Variants in CCDC150 observed in about 807,000 individuals in gnomAD.
CCDC150 encodes the protein coiled-coil domain containing 150.
Under a neutral mutation model 156.5 loss-of-function variants are expected in CCDC150, and 151 were observed. The ratio of observed to expected loss-of-function variants is 0.97; its 90% confidence interval spans 0.85 to 1.10. The LOEUF (loss-of-function observed/expected upper bound fraction) is 1.10, where lower values mean the gene tolerates loss of function less well. CCDC150 is among the 50% of genes least tolerant of loss of function. CCDC150 has a pLI of 0.00. For missense variants in CCDC150, 1,312 were observed against 1,268.1 expected (o/e 1.03, Z -0.53); for synonymous variants, 452 against 429.4 (o/e 1.05, Z -0.65).
rs777052624 is a variant in CCDC150 at position 196,701,091 on chromosome 2, C to G, written c.1624-18C>G. ...TTTCTATGCCTAGAGGTTCTGATGCCTTTGTTTGCCTTATCAGCTTGCCCA... is the reference window on the plus strand; with the variant it reads ...TTTCTATGCCTAGAGGTTCTGATGCGTTTGTTTGCCTTATCAGCTTGCCCA... On this transcript the variant is annotated intron_variant, in intron 14 of 27. Transcript: ENST00000389175. 3 of 1,584,496 alleles carry G rather than the reference C, an allele frequency of 1.9e-6. No individual in the cohort carries two copies. The highest frequency in any genetic ancestry group is 2.6e-6 in the Non-Finnish European group (3 of 1,161,310).
intron 15 of CCDC150, among the ~76,000 whole-genome samples, chr2:196,706,994 A>G (rs868421209): frequency 2.0e-5 from 3 of 152,176 alleles, no homozygotes; most frequent in South Asian, 2.1e-4. Flanking sequence ...TGTCTCTGCC[A>G]GGCTTTGGTA....
At chr2:196,715,044 T>C (rs745596383) in intron 17 of CCDC150, among the ~76,000 whole-genome samples, 1 of 152,156 alleles carries the variant, frequency 6.6e-6, no homozygotes, top group African/African-American at 2.4e-5. Context: ...TTTGTTACCG[T>C]TGGGATTATG....
chr2:196,687,970 G>A (rs1277194584), intron 13 of CCDC150, among the ~76,000 whole-genome samples: 1 of 152,106 alleles, frequency 6.6e-6, no homozygotes, highest in African/African-American at 2.4e-5. Context: ...GTCTGTTCTT[G>A]TACCAGTACC....
At chr2:196,706,885 T>C (rs1309532348) in intron 15 of CCDC150, among the ~76,000 whole-genome samples, 1 of 152,240 alleles carries the variant, frequency 6.6e-6, no homozygotes, top group African/African-American at 2.4e-5. Context: ...TGGATAAGCT[T>C]TTTGATGTGC....
rs184422727 is a variant in CCDC150 at position 196,729,822 on chromosome 2, G to A, written c.2781G>A (p.Glu927=). The A allele has an allele frequency of 9.1e-5, 145 of 1,589,548 alleles. No individual in the cohort carries two copies. Among genetic ancestry groups the A allele is most frequent in the Non-Finnish European group, 9.5e-6 (11 of 1,161,978 alleles). Residue 927 remains glutamate, a synonymous_variant, in exon 24 of 28, where the codon GAG becomes GAA. Coordinates refer to ENST00000389175, the MANE Select transcript of CCDC150 (RefSeq NM_001080539.2). ...TAGAAAAAGAATTGAAGCAAATGGA[G>A]CTAATTAAGGATCAATATCAGAAAA... ...KQIEKELKQM[E]LIKDQYQKKN...
chr2:196,732,445 G>A lies in CCDC150; in HGVS notation c.3190-1G>A, dbSNP rs766408872. 1 of 1,608,914 alleles carries A rather than the reference G, an allele frequency of 6.2e-7. No individual in the cohort carries two copies. The highest frequency in any genetic ancestry group is 8.5e-7 in the Non-Finnish European group (1 of 1,175,772). ...TGTTAGGTGTGTTTTCTTTCCAACAGGACCAAGATGTAAAACATGATGTCA... is the reference window on the plus strand; with the variant it reads ...TGTTAGGTGTGTTTTCTTTCCAACAAGACCAAGATGTAAAACATGATGTCA... On this transcript the variant is annotated splice_acceptor_variant, in intron 27 of 27. Coordinates refer to ENST00000389175, the MANE Select transcript of CCDC150 (RefSeq NM_001080539.2). LOFTEE classifies it high-confidence loss of function.
chr2:196,706,241 T>G (rs1318009723), intron 15 of CCDC150, among the ~76,000 whole-genome samples: 3 of 152,206 alleles, frequency 2.0e-5, no homozygotes, highest in Admixed American at 6.5e-5. Flanking sequence ...TCCACATCCC[T>G]TGTAAGTTGG....
intron 5 of CCDC150, among the ~76,000 whole-genome samples, chr2:196,662,868 C>T (rs576098886): frequency 1.1e-4 from 16 of 149,856 alleles, no homozygotes; most frequent in African/African-American, 2.2e-4. Flanking sequence ...CCTGGGAGGT[C>T]GAGGCTGCAG....
In CCDC150 at chr2:196,669,829, T is replaced by C. The variant is rs766384076; in HGVS notation, c.893-4T>C. 6.2e-7 allele frequency: 1 copy of C among 1,603,148 alleles called. No homozygotes were observed. The highest frequency in any genetic ancestry group is 1.1e-5 in the South Asian group (1 of 90,230). ...TCATAGTTATGTGGAATTTTTGTTT[T>C]TAGCTTCTAGAGATGACCTCATTTC... On this transcript the variant is annotated splice_region_variant and splice_polypyrimidine_tract_variant and intron_variant, in intron 7 of 27. Coordinates refer to ENST00000389175, the MANE Select transcript of CCDC150 (RefSeq NM_001080539.2).
At chr2:196,665,511 C>T (rs1693787248) in intron 5 of CCDC150, 56 bp from the exon 6 acceptor site, 1 of 1,019,924 alleles carries the variant, frequency 9.8e-7, no homozygotes, top group Non-Finnish European at 1.4e-6. Flanking sequence ...TAACTTTGAT[C>T]TTTGTTAAAC....
At chr2:196,703,571 A>G (rs953532968) in intron 15 of CCDC150, among the ~76,000 whole-genome samples, 2 of 152,194 alleles carry the variant, frequency 1.3e-5, no homozygotes, top group African/African-American at 4.8e-5. Context: ...ATACATCTTT[A>G]CAGGCATAAA....
At chr2:196,695,384 T>A (rs1005203571) in intron 14 of CCDC150, among the ~76,000 whole-genome samples, 1 of 152,214 alleles carries the variant, frequency 6.6e-6, no homozygotes, top group African/African-American at 2.4e-5. Context: ...AATACAAATA[T>A]ATCTGATGTT....
chr2:196,700,897 G>A (rs2125664849), intron 14 of CCDC150, among the ~76,000 whole-genome samples: 2 of 152,258 alleles, frequency 1.3e-5, no homozygotes, highest in Admixed American at 1.3e-4. Context: ...TACTCTTAAA[G>A]CTTCATGCTT....
chr2:196,687,122 T>C (rs1695170099), intron 13 of CCDC150, among the ~76,000 whole-genome samples: 1 of 152,198 alleles, frequency 6.6e-6, no homozygotes, highest in Non-Finnish European at 1.5e-5. Flanking sequence ...TTTGGGTATA[T>C]ACCCAGTAAT....
At chr2:196,730,157 C>T in intron 25 of CCDC150, 39 bp downstream of exon 25, 4 of 1,546,450 alleles carry the variant, frequency 2.6e-6, no homozygotes, top group Non-Finnish European at 3.5e-6. Context: ...AGATGGTCAG[C>T]AAATGACATG....
At chr2:196,666,166 AT>A (rs1355712075) in intron 6 of CCDC150, among the ~76,000 whole-genome samples, 7 of 152,324 alleles carry the variant, frequency 4.6e-5, no homozygotes, top group Admixed American at 2.6e-4. Context: ...AATTATCATT[AT>A]TTATTTTAAC....
chr2:196,724,006 A>G (rs1202495518), intron 21 of CCDC150, among the ~76,000 whole-genome samples: 3 of 152,340 alleles, frequency 2.0e-5, no homozygotes, highest in Middle Eastern at 6.8e-3. Flanking sequence ...AACTGGAGAA[A>G]AGAGAGAGTA....
chr2:196,700,416 T>C (rs899850294), intron 14 of CCDC150, among the ~76,000 whole-genome samples: 2 of 152,218 alleles, frequency 1.3e-5, no homozygotes, highest in African/African-American at 2.4e-5. Context: ...AATCACTTAA[T>C]GGTGCCCCTC....
In CCDC150 at chr2:196,656,634, G is replaced by A. The variant is rs890864456; in HGVS notation, c.178G>A (p.Gly60Ser). ...TGTTATATTGGGATCTTTGTCCAGA[G>A]GCTATTTGGAAGCTCCAGACTGTTT... The part of the protein sequence containing the change: ...LIMLDFGEKR[G>S]YLEAPDCLED... Residue 60 changes from glycine (G) to serine (S), a missense_variant and splice_region_variant, in exon 3 of 28, where the codon GGC (glycine) becomes AGC (serine). By Grantham distance (56) the Gly-to-Ser change is moderately conservative. Transcript: ENST00000389175. The A allele has an allele frequency of 1.9e-6, 3 of 1,600,838 alleles. No homozygotes were observed. Among genetic ancestry groups the A allele is most frequent in the Non-Finnish European group, 1.7e-6 (2 of 1,171,990 alleles).
Sources: allele counts gnomAD v4.1 joint callset (sites outside exome capture counted in the v4.1 genomes callset), GRCh38; gene constraint gnomAD v4.1.1; transcripts MANE v1.5; gene names NCBI Gene and HGNC (gene_info 2026-07-23, HGNC 2026-07-21).